Variants in GTPBP1 observed in about 807,000 individuals in gnomAD.
The protein encoded by GTPBP1 is GTP-binding protein 1.
In GTPBP1, 23 loss-of-function variants were observed where a neutral mutation model predicts 62.0. That is an observed-to-expected ratio of 0.37 (90% CI 0.27 to 0.53). GTPBP1 has a LOEUF of 0.53. Ranked by LOEUF, GTPBP1 falls within the 20% of genes least tolerant of loss-of-function variation. The probability of loss-of-function intolerance (pLI) is 0.89; values close to 1 mark genes in which losing one functional copy is unlikely to be tolerated. For synonymous variants in GTPBP1, 344 were observed against 364.4 expected (o/e 0.94, Z 0.64); for missense variants, 640 against 917.3 (o/e 0.70, Z 3.90).
chr22:38,737,663 C>T, downstream of GTPBP1: 1 of 347,930 alleles, frequency 2.9e-6, no homozygotes, highest in South Asian at 2.2e-5. This position sits in a 1 kb window ranked among gnomAD's most constrained non-coding sequence, Gnocchi z 4.1. Flanking sequence ...CGGTGTGGGG[C>T]TTAGGCCAAT....
At position 38,725,701 on chromosome 22, in the gene GTPBP1, G is replaced by C. The variant is rs527613099; in HGVS notation, c.1074-305G>C. The C allele has an allele frequency of 1.5e-4, 52 of 342,274 alleles. No individual in the cohort carries two copies. In the South Asian group the frequency reaches 1.8e-3, roughly 12 times the overall value. 21.2% of individuals were successfully genotyped at this position (342,274 alleles called of 1,614,324 possible). On this transcript the variant is annotated intron_variant, in intron 6 of 11. Coordinates refer to ENST00000216044, the MANE Select transcript of GTPBP1 (RefSeq NM_004286.5). The stretch of plus-strand genomic sequence containing the variant: ...GGTTAAGGATTTTAAGCAAGCATGC[G>C]TGTGTTTTAGGAAGAAGCAGTCATG...
chr22:38,725,624 G>A (rs1193752742), intron 6 of GTPBP1, among the ~76,000 whole-genome samples: 1 of 152,208 alleles, frequency 6.6e-6, no homozygotes, highest in Non-Finnish European at 1.5e-5. Flanking sequence ...AAGCCAAAGG[G>A]CTGTGAGTGT....
At chr22:38,725,771 A>G in intron 6 of GTPBP1, 1 of 536,546 alleles carries the variant, frequency 1.9e-6, no homozygotes, top group Non-Finnish European at 3.3e-6. Context: ...AGGAGAGGAC[A>G]GGTGTCAGAG....
In GTPBP1 at chr22:38,716,590, G is replaced by C; in HGVS notation, c.486-62G>C. On this transcript the variant is annotated intron_variant, in intron 3 of 11. Transcript: ENST00000216044. The surrounding 1 kb of genome is among the most constrained non-coding windows in gnomAD (Gnocchi z 5.2). ...CGGATCCAATTACTGGGGTTATGAT[G>C]GTCGCTCCACCTCACTCATTCACTA... The C allele has an allele frequency of 8.2e-7, 1 of 1,222,706 alleles. No homozygotes were observed. Among genetic ancestry groups the C allele is most frequent in the Non-Finnish European group, 1.2e-6 (1 of 854,582 alleles). 75.7% of individuals were successfully genotyped at this position (1,222,706 alleles called of 1,614,324 possible).
At chr22:38,713,288 G>A (rs2092650465) in intron 2 of GTPBP1, among the ~76,000 whole-genome samples, 1 of 152,216 alleles carries the variant, frequency 6.6e-6, no homozygotes, top group African/African-American at 2.4e-5. Context: ...GCACAAATGG[G>A]GAGGCTGTTA....
rs1681836486 is a variant in GTPBP1, at chr22:38,716,548, G to A, written c.486-104G>A. ...AGGAGCTGTGAGCCGGAGGGGATCG[G>A]GGCAAGCCTGGACTTGCGGATCCAA... is the stretch of plus-strand genomic sequence containing the variant. On this transcript the variant is annotated intron_variant, in intron 3 of 11. Coordinates refer to ENST00000216044, the MANE Select transcript of GTPBP1 (RefSeq NM_004286.5). This position sits in a 1 kb window ranked among gnomAD's most constrained non-coding sequence, Gnocchi z 5.2. 1 of 833,030 alleles carries A rather than the reference G, an allele frequency of 1.2e-6. No individual in the cohort carries two copies. Among genetic ancestry groups the A allele is most frequent in the African/African-American group, 1.7e-5 (1 of 59,398 alleles). The allele number at this position is 833,030 out of a possible 1,614,324, so 51.6% of individuals were successfully genotyped here.
chr22:38,714,926 C>T lies in GTPBP1; in HGVS notation c.305-981C>T, dbSNP rs533315585. On this transcript the variant is annotated intron_variant, in intron 2 of 11. Coordinates refer to ENST00000216044, the MANE Select transcript of GTPBP1 (RefSeq NM_004286.5). Reference sequence around the variant, plus strand: ...AGTAGGAGCTCAGTAACTGTTTGGTCGGTTGGTCCTGCCTTCTGTCTGATT... The same window carrying T: ...AGTAGGAGCTCAGTAACTGTTTGGTTGGTTGGTCCTGCCTTCTGTCTGATT... Among the ~76,000 whole-genome samples, 9 of 152,284 alleles carry T rather than the reference C, an allele frequency of 5.9e-5. No individual in the cohort carries two copies. In the South Asian group the frequency reaches 1.7e-3, roughly 28 times the overall value.
At chr22:38,722,138 G>T (rs541600621) in intron 5 of GTPBP1, among the ~76,000 whole-genome samples, 46 of 152,188 alleles carry the variant, frequency 3.0e-4, no homozygotes, top group Middle Eastern at 6.8e-3. Context: ...AATATATGTA[G>T]ACAAAGTTAG....
intron 4 of GTPBP1, among the ~76,000 whole-genome samples, chr22:38,720,760 C>T (rs958437676): frequency 1.3e-5 from 2 of 152,168 alleles, no homozygotes; most frequent in African/African-American, 4.8e-5. Flanking sequence ...ATTGCTTAAA[C>T]ACCTAGTTCC....
At chr22:38,742,590 A>C (rs1603221360), downstream of GTPBP1, 1 of 1,583,214 alleles carries the variant, frequency 6.3e-7, no homozygotes, top group Non-Finnish European at 8.6e-7. Flanking sequence ...GGAGTGAGGG[A>C]CCCTTGGATG....
intron 4 of GTPBP1, among the ~76,000 whole-genome samples, 156 bp downstream of exon 4, chr22:38,717,156 G>C (rs1452966260): frequency 2.0e-5 from 3 of 152,180 alleles, no homozygotes; most frequent in African/African-American, 7.2e-5. Flanking sequence ...CCAGTCCTCT[G>C]AGTAATGGTC....
At chr22:38,722,399 A>G (rs954692387) in intron 5 of GTPBP1, among the ~76,000 whole-genome samples, 16 of 152,378 alleles carry the variant, frequency 1.1e-4, no homozygotes, top group African/African-American at 3.8e-4. Flanking sequence ...ACCCTTGATC[A>G]GAAGCTTTCA....
At chr22:38,738,296 G>A (rs1458806157), downstream of GTPBP1, 10 of 1,587,332 alleles carry the variant, frequency 6.3e-6, no homozygotes, top group Admixed American at 1.7e-5. The surrounding 1 kb of genome is among the most constrained non-coding windows in gnomAD (Gnocchi z 6.6). Context: ...AGTGGGGAGG[G>A]GCTGGAGCAG....
downstream of GTPBP1, chr22:38,741,345 G>A (rs893439383): frequency 1.1e-5 from 9 of 820,020 alleles, no homozygotes; most frequent in South Asian, 3.2e-5. Flanking sequence ...CTAAGGGGTC[G>A]GGGGTCAAAC....
downstream of GTPBP1, chr22:38,736,285 A>G: frequency 2.5e-6 from 4 of 1,613,604 alleles, no homozygotes; most frequent in Non-Finnish European, 3.4e-6. Context: ...CGGGCTCCCC[A>G]TGCACTCTGA....
downstream of GTPBP1, among the ~76,000 whole-genome samples, chr22:38,741,747 G>A (rs143945216): frequency 6.3e-3 from 964 of 152,326 alleles, 20 homozygotes; most frequent in Admixed American, 0.049. Context: ...ACACCTCTGC[G>A]GTGTCAGGTA....
At position 38,727,503 on chromosome 22, in the gene GTPBP1, C is replaced by T. The variant is rs77658732; in HGVS notation, c.1537+155C>T. Among the ~76,000 whole-genome samples the T allele has an allele frequency of 9.3e-3, 1,415 of 151,876 alleles. 24 individuals carry two copies. The highest frequency in any genetic ancestry group is 0.032 in the South Asian group (155 of 4,800). ...CGTTCCTTCTGTTCTACCCATGAGC[C>T]GCAGTGTTGATTCCTTCCCACAAAC... On this transcript the variant is annotated intron_variant, in intron 9 of 11. Coordinates refer to ENST00000216044, the MANE Select transcript of GTPBP1 (RefSeq NM_004286.5). The surrounding 1 kb of genome is among the most constrained non-coding windows in gnomAD (Gnocchi z 6.5).
Position 38,706,063 on chromosome 22 carries a change from C to A in GTPBP1, c.108C>A (p.Ala36=). ...PGAARAAAAA[A]RLHGGFDSDC... ...CGGCCAGGGCCGCGGCGGCCGCCGC[C>A]CGACTCCACGGCGGCTTTGACTCGG... Residue 36 remains alanine (A), a synonymous_variant, in exon 1 of 12, where the codon GCC becomes GCA. Transcript: ENST00000216044. 7.3e-7 allele frequency: 1 copy of A among 1,365,306 alleles called. No homozygotes were observed. The highest frequency in any genetic ancestry group is 9.4e-7 in the Non-Finnish European group (1 of 1,060,730). The allele number at this position is 1,365,306 out of a possible 1,614,324, so 84.6% of individuals were successfully genotyped here.
At chr22:38,723,582 T>A (rs2092712104) in intron 5 of GTPBP1, 1 of 575,558 alleles carries the variant, frequency 1.7e-6, no homozygotes, top group Non-Finnish European at 3.1e-6. Context: ...CAGAATCTTC[T>A]GCTACTTCCT....
Sources: allele counts gnomAD v4.1 joint callset (sites outside exome capture counted in the v4.1 genomes callset), GRCh38; gene constraint gnomAD v4.1.1; non-coding constraint Gnocchi (gnomAD v3.1); transcripts MANE v1.5; gene names NCBI Gene and HGNC (gene_info 2026-07-23, HGNC 2026-07-21).